The following RAD51B variants were observed in gnomAD, a reference collection of about 807,000 sequenced individuals.
The protein encoded by RAD51B is RAD51 paralog B, also known as DNA repair protein RAD51 homolog 2.
A neutral mutation model predicts 42.2 loss-of-function variants in RAD51B; 38 were observed. The ratio of observed to expected loss-of-function variants is 0.90; its 90% CI spans 0.70 to 1.18. The LOEUF is 1.18. Among genes scored for constraint, RAD51B ranks in the 50% most tolerant of loss-of-function variants. RAD51B has a pLI of 0.00. For missense variants in RAD51B, 373 were observed against 400.7 expected, an observed-to-expected ratio of 0.93 and a Z score of 0.59; for synonymous variants, 154 against 145.2, an observed-to-expected ratio of 1.06 and a Z score of -0.43.
chr14:68,100,793 A>T (rs1027237390), intron 7 of RAD51B, among the ~76,000 whole-genome samples: 4 of 152,200 alleles, frequency 2.6e-5, no homozygotes, highest in Admixed American at 2.6e-4. Flanking sequence ...GTGAAGCCCA[A>T]AAGTGTTAAA....
chr14:68,077,883 G>A (rs1244051072), intron 7 of RAD51B, among the ~76,000 whole-genome samples: 2 of 152,238 alleles, frequency 1.3e-5, no homozygotes, highest in Non-Finnish European at 2.9e-5. Flanking sequence ...TTGAACCCGG[G>A]AAGTGGAGGT....
At chr14:68,029,955 G>T (rs942139431) in intron 7 of RAD51B, among the ~76,000 whole-genome samples, 1 of 152,184 alleles carries the variant, frequency 6.6e-6, no homozygotes, top group Non-Finnish European at 1.5e-5. Context: ...TAGAGCTCTT[G>T]GTTGACTGGG....
chr14:67,967,103 A>T (rs1447676815), intron 7 of RAD51B, among the ~76,000 whole-genome samples: 1 of 152,188 alleles, frequency 6.6e-6, no homozygotes, highest in Non-Finnish European at 1.5e-5. Context: ...AAGAGGAAAA[A>T]TGAGGAGGTT....
intron 7 of RAD51B, among the ~76,000 whole-genome samples, chr14:67,967,086 C>T (rs958287309): frequency 3.3e-5 from 5 of 152,056 alleles, no homozygotes; most frequent in African/African-American, 4.8e-5. Context: ...TCTTCCATGG[C>T]GCCAGCAAGA....
chr14:67,998,033 C>T (rs958575001), intron 7 of RAD51B, among the ~76,000 whole-genome samples: 2 of 152,170 alleles, frequency 1.3e-5, no homozygotes, highest in Admixed American at 6.6e-5. Context: ...TAGAGTTTGT[C>T]CAGAGTTGTT....
chr14:68,059,670 A>G (rs1312277632), intron 7 of RAD51B, among the ~76,000 whole-genome samples: 2 of 152,172 alleles, frequency 1.3e-5, no homozygotes, highest in Non-Finnish European at 2.9e-5. Flanking sequence ...AGTTTTTTCT[A>G]TATGCGTCAT....
At chr14:68,630,493 C>T (rs1892201260) in intron 10 of RAD51B, among the ~76,000 whole-genome samples, 1 of 152,114 alleles carries the variant, frequency 6.6e-6, no homozygotes, top group African/African-American at 2.4e-5. Flanking sequence ...CATGGCCGTC[C>T]CTACCCCACC....
At chr14:68,061,093 C>T (rs1470792848) in intron 7 of RAD51B, among the ~76,000 whole-genome samples, 2 of 128,258 alleles carry the variant, frequency 1.6e-5, no homozygotes, top group African/African-American at 3.0e-5. Flanking sequence ...TTTTGAGACA[C>T]AGTCTTGCCG....
At chr14:68,053,213 A>T (rs577380811) in intron 7 of RAD51B, among the ~76,000 whole-genome samples, 5 of 152,176 alleles carry the variant, frequency 3.3e-5, no homozygotes, top group Non-Finnish European at 7.4e-5. Context: ...TTAGACATTT[A>T]GGGTATAGTT....
intron 10 of RAD51B, among the ~76,000 whole-genome samples, chr14:68,512,919 A>T (rs1885833503): frequency 6.6e-6 from 1 of 152,072 alleles, no homozygotes; most frequent in Non-Finnish European, 1.5e-5. Flanking sequence ...GAGAGTAAGC[A>T]ATGTTCAATC....
chr14:68,356,283 A>C (rs894907596), intron 8 of RAD51B, among the ~76,000 whole-genome samples: 17 of 152,010 alleles, frequency 1.1e-4, no homozygotes, highest in African/African-American at 3.4e-4. Flanking sequence ...AAATACAAAA[A>C]AATTAGCCGG....
intron 10 of RAD51B, among the ~76,000 whole-genome samples, chr14:68,577,302 G>C (rs549325766): frequency 6.6e-6 from 1 of 152,230 alleles, no homozygotes; most frequent in South Asian, 2.1e-4. Context: ...AGGATAACTA[G>C]AGCCAAGCCA....
intron 7 of RAD51B, chr14:68,236,670 A>C (rs2080264634): frequency 6.6e-6 from 1 of 152,188 alleles, no homozygotes; most frequent in African/African-American, 2.4e-5. Context: ...TCTACATATG[A>C]CTAACAGACT....
chr14:68,196,833 C>G (rs2079382866), intron 7 of RAD51B, among the ~76,000 whole-genome samples: 1 of 152,144 alleles, frequency 6.6e-6, no homozygotes, highest in Non-Finnish European at 1.5e-5. Context: ...GCTATGCTTG[C>G]CCCACAAAGG....
chr14:68,580,493 G>A (rs996244756), intron 10 of RAD51B, among the ~76,000 whole-genome samples: 2 of 151,662 alleles, frequency 1.3e-5, no homozygotes, highest in Non-Finnish European at 2.9e-5. Context: ...GATGAAGTGA[G>A]TCACTGAGTG....
intron 7 of RAD51B, among the ~76,000 whole-genome samples, chr14:68,104,522 C>G (rs75858518): frequency 0.025 from 3,759 of 152,230 alleles, 126 homozygotes; most frequent in African/African-American, 0.075. Context: ...AAACTGAATT[C>G]TGTGTCTTAA....
At chr14:68,463,901 A>G (rs1349290049) in intron 9 of RAD51B, among the ~76,000 whole-genome samples, 4 of 152,216 alleles carry the variant, frequency 2.6e-5, no homozygotes, top group Non-Finnish European at 4.4e-5. Flanking sequence ...CTTGTTCCAC[A>G]TACTATATCT....
intron 10 of RAD51B, among the ~76,000 whole-genome samples, chr14:68,489,687 T>C (rs1883916836): frequency 6.6e-6 from 1 of 152,206 alleles, no homozygotes; most frequent in African/African-American, 2.4e-5. Context: ...GGCACAGCCT[T>C]TCCCAGTGCA....
At chr14:68,560,462 G>A (rs1566937725) in intron 10 of RAD51B, among the ~76,000 whole-genome samples, 2 of 152,250 alleles carry the variant, frequency 1.3e-5, no homozygotes, top group East Asian at 1.9e-4. Context: ...AGAGCTGGGC[G>A]CGGTGGCTCA....
Sources: gnomAD v4.1 joint callset for allele counts (sites outside exome capture counted in the v4.1 genomes callset) on GRCh38, gnomAD v4.1.1 for gene constraint, MANE v1.5 for transcripts, NCBI Gene and HGNC (gene_info 2026-07-23, HGNC 2026-07-21) for gene names.